ANK2: variants seen among roughly 807,000 people sequenced by gnomAD.
The protein encoded by ANK2 is ankyrin-2.
In ANK2, 83 loss-of-function variants were observed where a neutral mutation model predicts 360.5. The observed-to-expected ratio is 0.23, with a 90% confidence interval of 0.19 to 0.28. ANK2 has a LOEUF of 0.28. Ranked by LOEUF, ANK2 falls within the 10% of genes least tolerant of loss-of-function variation. The pLI, the probability that ANK2 is intolerant of heterozygous loss-of-function variation, is 1.00. For synonymous variants in ANK2, 1,740 were observed against 1,759.5 expected, an observed-to-expected ratio of 0.99 and a Z score of 0.28; for missense variants, 4,201 against 4,795.7, an observed-to-expected ratio of 0.88 and a Z score of 3.66.
chr4:112,761,417 G>C, the ANK2 span, among the ~76,000 whole-genome samples: 1 of 151,916 alleles, frequency 6.6e-6, no homozygotes, highest in Non-Finnish European at 1.5e-5. Flanking sequence ...TTAGGAGATC[G>C]AGACCATCCT....
intron 4 of ANK2, 70 bp downstream of exon 4, chr4:113,199,179 G>A: frequency 8.1e-7 from 1 of 1,228,144 alleles, no homozygotes; most frequent in East Asian, 2.3e-5. Flanking sequence ...TTGATTTAAT[G>A]TGTTTAGCTA....
upstream of ANK2, among the ~76,000 whole-genome samples, chr4:112,814,436 T>TG (rs1190532677): frequency 2.9e-4 from 18 of 61,198 alleles, no homozygotes; most frequent in African/African-American, 1.1e-3. Context: ...TTTTTTTGTT[T>TG]TTTTGTTTGT....
At chr4:113,141,600 A>T (rs2096639578) in intron 1 of ANK2, among the ~76,000 whole-genome samples, 3 of 152,220 alleles carry the variant, frequency 2.0e-5, no homozygotes, top group Non-Finnish European at 4.4e-5. Flanking sequence ...ACCTGGGATT[A>T]GTAAATCCTA....
intron 2 of ANK2, among the ~76,000 whole-genome samples, chr4:113,011,361 G>T (rs1372229601): frequency 6.6e-6 from 1 of 152,114 alleles, no homozygotes; most frequent in Admixed American, 6.5e-5. Flanking sequence ...TTGGGCCTGA[G>T]AATTAAACTG....
the ANK2 span, among the ~76,000 whole-genome samples, chr4:112,796,465 T>TACACACAC: frequency 2.8e-3 from 415 of 150,398 alleles, 9 homozygotes; most frequent in East Asian, 0.044. Context: ...TCTATATATA[T>TACACACAC]ACACACACAC....
chr4:112,869,942 G>A (rs893986849), intron 1 of ANK2, among the ~76,000 whole-genome samples: 7 of 151,718 alleles, frequency 4.6e-5, no homozygotes, highest in African/African-American at 1.2e-4. Context: ...TTGGCCTCCC[G>A]AAGTGCTGGG....
At chr4:112,820,267 CT>C (rs1260864083) in intron 1 of ANK2, among the ~76,000 whole-genome samples, 2 of 152,202 alleles carry the variant, frequency 1.3e-5, no homozygotes, top group African/African-American at 4.8e-5. Flanking sequence ...CAGATTTCTG[CT>C]TTTCAGGGAA....
intron 1 of ANK2, chr4:113,151,327 G>A (rs1263571686): frequency 5.4e-6 from 2 of 370,360 alleles, no homozygotes; most frequent in African/African-American, 4.3e-5. Context: ...TTGGATCACA[G>A]TTCTGCAAGC....
chr4:112,893,276 C>T (rs556007144), intron 1 of ANK2, among the ~76,000 whole-genome samples: 101 of 152,254 alleles, frequency 6.6e-4, no homozygotes, highest in African/African-American at 2.3e-3. Context: ...ACCTCAGCAT[C>T]CCAAGTAGGC....
chr4:112,836,356 A>G (rs1469459671), intron 1 of ANK2, among the ~76,000 whole-genome samples: 2 of 152,232 alleles, frequency 1.3e-5, no homozygotes, highest in Non-Finnish European at 2.9e-5. Context: ...ACCCAGTCTC[A>G]GGTAGTATCT....
chr4:113,239,411 A>T (rs879391197), intron 7 of ANK2, among the ~76,000 whole-genome samples: 3 of 152,174 alleles, frequency 2.0e-5, no homozygotes, highest in Non-Finnish European at 4.4e-5. Flanking sequence ...ATATTTCTTA[A>T]AAACAATACA....
At chr4:112,800,099 A>G in the ANK2 span, among the ~76,000 whole-genome samples, 2 of 152,152 alleles carry the variant, frequency 1.3e-5, no homozygotes, top group East Asian at 3.9e-4. Flanking sequence ...GCCATGCACG[A>G]TGTTAATTAT....
chr4:113,252,702 C>T (rs546923139), intron 10 of ANK2, among the ~76,000 whole-genome samples: 3 of 152,314 alleles, frequency 2.0e-5, no homozygotes, highest in East Asian at 3.9e-4. Flanking sequence ...CACTCTTCCT[C>T]ATTCACATCA....
At chr4:113,276,493 G>GT (rs1350998799) in intron 15 of ANK2, among the ~76,000 whole-genome samples, 1 of 152,154 alleles carries the variant, frequency 6.6e-6, no homozygotes, top group Non-Finnish European at 1.5e-5. Context: ...AAGATAAGGA[G>GT]TTTATGTTTT....
chr4:112,918,332 A>T (rs1220043544), intron 2 of ANK2, among the ~76,000 whole-genome samples: 1 of 152,136 alleles, frequency 6.6e-6, no homozygotes, highest in East Asian at 1.9e-4. Flanking sequence ...CCTTGCATAA[A>T]TAATTCAGGT....
chr4:112,714,847 T>C, the ANK2 span, among the ~76,000 whole-genome samples: 1 of 152,350 alleles, frequency 6.6e-6, no homozygotes, highest in African/African-American at 2.4e-5. Context: ...GAGCTAATTA[T>C]CTGTTTCTAG....
chr4:113,157,086 T>C (rs1044992398), intron 1 of ANK2, among the ~76,000 whole-genome samples: 1 of 152,152 alleles, frequency 6.6e-6, no homozygotes, highest in African/African-American at 2.4e-5. Context: ...GTTTTTTTTT[T>C]AATAATCCAT....
In ANK2 at chr4:113,278,558, G is replaced by A; in HGVS notation, c.1881G>A (p.Lys627=). 1.2e-6 allele frequency: 2 copies of A among 1,613,718 alleles called. No homozygotes were observed. Among genetic ancestry groups the A allele is most frequent in the East Asian group, 2.2e-5 (1 of 44,850 alleles). ...GTGCTTCCCCTCATGCCACTGCCAA[G>A]GTGAGGACCACAGAAAAGGATTTAC... is the stretch of plus-strand genomic sequence containing the variant. ...EKGASPHATA[K]NGYTPLHIAA... The change falls in exon 17 of 46, where the codon AAG becomes AAA. Residue 627 remains lysine (K), a splice_region_variant and synonymous_variant. Transcript: ENST00000357077.
chr4:113,134,849 G>A (rs2154380617), intron 1 of ANK2, among the ~76,000 whole-genome samples: 1 of 152,162 alleles, frequency 6.6e-6, no homozygotes, highest in Non-Finnish European at 1.5e-5. Flanking sequence ...TTGCCATGTA[G>A]TTTAAGTTAT....
Sources: gnomAD v4.1 joint callset for allele counts (sites outside exome capture counted in the v4.1 genomes callset) on GRCh38, gnomAD v4.1.1 for gene constraint, MANE v1.5 for transcripts, NCBI Gene and HGNC (gene_info 2026-07-23, HGNC 2026-07-21) for gene names.